DIPK1A: variants seen among roughly 807,000 people sequenced by gnomAD.
DIPK1A encodes the protein divergent protein kinase domain 1A, also known as family with sequence similarity 69 member A.
DIPK1A carries 27 observed loss-of-function variants against 40.8 expected under a neutral mutation model. That is an observed-to-expected ratio of 0.66 (90% CI 0.49 to 0.91). The LOEUF (loss-of-function observed/expected upper bound fraction) is 0.91, where lower values mean the gene tolerates loss of function less well. Among genes scored for constraint, DIPK1A ranks in the 40% least tolerant of loss-of-function variants. The pLI is 0.00. For synonymous variants in DIPK1A, 166 were observed against 171.3 expected, an observed-to-expected ratio of 0.97 and a Z score of 0.24; for missense variants, 412 against 505.7, an observed-to-expected ratio of 0.81 and a Z score of 1.78.
chr1:92,945,101 A>G (rs1216550705), intron 1 of DIPK1A, among the ~76,000 whole-genome samples: 1 of 152,112 alleles, frequency 6.6e-6, no homozygotes, highest in Admixed American at 6.5e-5. Context: ...CCAGTTGTGT[A>G]GTAGGCCTAG....
chr1:92,888,607 A>G (rs1648715844), intron 1 of DIPK1A, among the ~76,000 whole-genome samples: 1 of 152,230 alleles, frequency 6.6e-6, no homozygotes, highest in African/African-American at 2.4e-5. Context: ...AGGAACCTCC[A>G]TGTTGAGTTC....
rs998287767 is a variant in DIPK1A at position 92,846,496 on chromosome 1, C to T, written c.474+687G>A. ...CTAAGAGTATACTCATTTTATTTCA[C>T]CTTTTTTGAATTAATTTTCATGTCA... On this transcript the variant is annotated intron_variant, in intron 4 of 4. Transcript: ENST00000370310. 3 of 336,840 alleles carry T rather than the reference C, an allele frequency of 8.9e-6. No homozygotes were observed. In the East Asian group the frequency reaches 2.7e-4, roughly 30 times the overall value. 20.9% of individuals were successfully genotyped at this position (336,840 alleles called of 1,614,324 possible). A position where few individuals can be genotyped will look rare whatever the true frequency, so the allele number is the denominator to read the frequency against.
chr1:92,908,316 T>C (rs577778581), intron 1 of DIPK1A, among the ~76,000 whole-genome samples: 1 of 152,246 alleles, frequency 6.6e-6, no homozygotes. Context: ...GACTGATCCC[T>C]GAGAATCTTC....
intron 1 of DIPK1A, among the ~76,000 whole-genome samples, chr1:92,951,060 G>A (rs1344491479): frequency 6.6e-6 from 1 of 152,196 alleles, no homozygotes; most frequent in African/African-American, 2.4e-5. Context: ...CTGCTGTGAA[G>A]GAGGGACTTT....
chr1:92,845,927 T>G (rs896745509), intron 4 of DIPK1A: 1 of 152,502 alleles, frequency 6.6e-6, no homozygotes, highest in African/African-American at 2.4e-5. Context: ...CCCAGGAGGC[T>G]GAGGCTGCAA....
chr1:92,944,705 T>C (rs190114880), intron 1 of DIPK1A, among the ~76,000 whole-genome samples: 91 of 152,294 alleles, frequency 6.0e-4, no homozygotes, highest in Middle Eastern at 3.4e-3. Context: ...CGATCTTGGC[T>C]CACTGCAGCT....
intron 2 of DIPK1A, among the ~76,000 whole-genome samples, chr1:92,852,886 A>C (rs1157104267): frequency 6.6e-6 from 1 of 152,098 alleles, no homozygotes; most frequent in African/African-American, 2.4e-5. Context: ...CAAATAATAC[A>C]AAAGAATTAG....
chr1:92,950,781 A>G (rs941033249), intron 1 of DIPK1A, among the ~76,000 whole-genome samples: 1 of 152,102 alleles, frequency 6.6e-6, no homozygotes, highest in Non-Finnish European at 1.5e-5. Flanking sequence ...GTTAGCAGCT[A>G]TTTTCATTTT....
At chr1:92,835,099 A>G (rs1460912142) in intron 4 of DIPK1A, 19 of 783,160 alleles carry the variant, frequency 2.4e-5, no homozygotes, top group Non-Finnish European at 3.7e-5. Flanking sequence ...CTGCAATGAC[A>G]CAAATCTGTA....
rs1204428822 is a variant in DIPK1A, at chr1:92,892,500, T to A, written c.55-16070A>T. Reference sequence around the variant, plus strand: ...GACATCCACACCAAAAACCCACCTGTACGTCACCATCATCAAAGACCAAAG... The same window carrying A: ...GACATCCACACCAAAAACCCACCTGAACGTCACCATCATCAAAGACCAAAG... On this transcript the variant is annotated intron_variant, in intron 1 of 4. Transcript: ENST00000370310. Among the ~76,000 whole-genome samples, 3 of 152,044 alleles carry A rather than the reference T, an allele frequency of 2.0e-5. 1 individual carries two copies. Among genetic ancestry groups the A allele is most frequent in the Admixed American group, 6.6e-5 (1 of 15,264 alleles).
intron 1 of DIPK1A, among the ~76,000 whole-genome samples, chr1:92,934,481 G>C (rs1463552318): frequency 6.6e-6 from 1 of 151,918 alleles, no homozygotes; most frequent in Non-Finnish European, 1.5e-5. Context: ...AAATCAAAAA[G>C]TTATGCATGA....
At chr1:92,934,831 C>T (rs749070228) in intron 1 of DIPK1A, among the ~76,000 whole-genome samples, 1 of 152,152 alleles carries the variant, frequency 6.6e-6, no homozygotes, top group Non-Finnish European at 1.5e-5. Flanking sequence ...AAAAATAAAA[C>T]CTGGCCCTTC....
In DIPK1A at chr1:92,835,660, CAAA is replaced by C. The variant is rs11417383; in HGVS notation, c.475-2629_475-2627del. Among the ~76,000 whole-genome samples, 85 of 123,366 alleles carry C rather than the reference CAAA, an allele frequency of 6.9e-4. 1 individual carries two copies. In the East Asian group the frequency reaches 0.013, roughly 20 times the overall value. The allele number at this position is 123,366 out of a possible 152,430, so 80.9% of individuals were successfully genotyped here. On this transcript the variant is annotated intron_variant, in intron 4 of 4. Coordinates refer to the DIPK1A transcript ENST00000615519. ...GGGCAACAAGAGCGAAACTGTGTCT[CAAA>C]AAAAAAAAAAAAAAAATGAGAATCT...
intron 1 of DIPK1A, among the ~76,000 whole-genome samples, chr1:92,943,016 G>C (rs1203770516): frequency 2.6e-5 from 4 of 152,178 alleles, no homozygotes; most frequent in Non-Finnish European, 5.9e-5. Flanking sequence ...AAGATAAATA[G>C]GGTAGGTAAA....
At chr1:92,923,695 C>A (rs2100858207) in intron 1 of DIPK1A, among the ~76,000 whole-genome samples, 1 of 152,270 alleles carries the variant, frequency 6.6e-6, no homozygotes, top group Non-Finnish European at 1.5e-5. Context: ...TATGAACCAC[C>A]ACTGGCCCCA....
intron 2 of DIPK1A, among the ~76,000 whole-genome samples, chr1:92,855,202 A>G (rs888991397): frequency 3.9e-5 from 6 of 152,234 alleles, no homozygotes; most frequent in African/African-American, 1.2e-4. Context: ...TACCATGGAA[A>G]TGCAGAAATA....
chr1:92,897,597 G>A (rs1649228787), intron 1 of DIPK1A, among the ~76,000 whole-genome samples: 1 of 152,070 alleles, frequency 6.6e-6, no homozygotes, highest in Non-Finnish European at 1.5e-5. Flanking sequence ...CGTGGCACAT[G>A]TATACATATG....
At chr1:92,951,001 A>T (rs1651614587) in intron 1 of DIPK1A, among the ~76,000 whole-genome samples, 1 of 152,328 alleles carries the variant, frequency 6.6e-6, no homozygotes, top group East Asian at 1.9e-4. Flanking sequence ...TTCTATAGAT[A>T]TCCACCAACA....
intron 1 of DIPK1A, among the ~76,000 whole-genome samples, chr1:92,904,568 C>G (rs998493574): frequency 6.6e-6 from 1 of 151,938 alleles, no homozygotes; most frequent in Non-Finnish European, 1.5e-5. Context: ...ATGAGGTACA[C>G]GAGATTTTGT....
Sources: allele counts gnomAD v4.1 joint callset (sites outside exome capture counted in the v4.1 genomes callset), GRCh38; gene constraint gnomAD v4.1.1; transcripts MANE v1.5; gene names NCBI Gene and HGNC (gene_info 2026-07-23, HGNC 2026-07-21).